CAMK4: variants seen among roughly 807,000 people sequenced by gnomAD.
The protein encoded by CAMK4 is calcium/calmodulin-dependent protein kinase type IV.
A neutral mutation model predicts 44.9 loss-of-function variants in CAMK4; 22 were observed. The observed-to-expected ratio is 0.49, with a 90% CI of 0.35 to 0.70. CAMK4 has a LOEUF of 0.70. CAMK4 is among the 30% of genes least tolerant of loss of function. CAMK4 has a pLI of 0.01. For synonymous variants in CAMK4, 218 were observed against 215.4 expected, an observed-to-expected ratio of 1.01 and a Z score of -0.11; for missense variants, 498 against 586.8, an observed-to-expected ratio of 0.85 and a Z score of 1.56.
intron 5 of CAMK4, among the ~76,000 whole-genome samples, chr5:111,419,448 T>C (rs1476491729): frequency 1.3e-5 from 2 of 152,234 alleles, no homozygotes; most frequent in Non-Finnish European, 2.9e-5. Flanking sequence ...TTTAATTTAA[T>C]TAGATCCCAT....
chr5:111,253,661 T>G (rs958713164), intron 1 of CAMK4, among the ~76,000 whole-genome samples: 11 of 152,222 alleles, frequency 7.2e-5, no homozygotes, highest in Admixed American at 6.5e-4. Flanking sequence ...GCTACAATTT[T>G]ATGATGTTGA....
chr5:111,405,620 A>G (rs1383016058), intron 5 of CAMK4, among the ~76,000 whole-genome samples: 1 of 152,192 alleles, frequency 6.6e-6, no homozygotes, highest in Non-Finnish European at 1.5e-5. Flanking sequence ...TTATTTCTTG[A>G]AAGTAAGGTA....
intron 1 of CAMK4, among the ~76,000 whole-genome samples, chr5:111,343,817 G>A (rs1336649331): frequency 6.6e-6 from 1 of 150,454 alleles, no homozygotes; most frequent in African/African-American, 2.4e-5. Context: ...AGAGCAAGCT[G>A]GAAAACCTAG....
At chr5:111,335,112 C>G (rs1749342680) in intron 1 of CAMK4, among the ~76,000 whole-genome samples, 2 of 151,506 alleles carry the variant, frequency 1.3e-5, no homozygotes. Context: ...GATTCCATAT[C>G]TGAATTTCCC....
intron 7 of CAMK4, among the ~76,000 whole-genome samples, chr5:111,462,985 A>G (rs1304935957): frequency 6.6e-6 from 1 of 152,218 alleles, no homozygotes. Context: ...TGTAATTTTT[A>G]TATTTAGTTA....
chr5:111,444,615 A>G lies in CAMK4; in HGVS notation c.460-2071A>G, dbSNP rs545948372. Among the ~76,000 whole-genome samples, 38 of 151,430 alleles carry G rather than the reference A, an allele frequency of 2.5e-4. No individual in the cohort carries two copies. In the East Asian group the frequency reaches 7.2e-3, roughly 29 times the overall value. On this transcript the variant is annotated intron_variant, in intron 5 of 10. Coordinates refer to ENST00000282356, the MANE Select transcript of CAMK4 (RefSeq NM_001744.6). ...CTGCATTCTCTTGCTGCAACTATCC[A>G]CTCTTCTTTCCATTTTCATGCATGA... is the stretch of plus-strand genomic sequence containing the variant.
At chr5:111,375,932 C>T (rs1033852162) in intron 3 of CAMK4, among the ~76,000 whole-genome samples, 4 of 152,138 alleles carry the variant, frequency 2.6e-5, no homozygotes, top group African/African-American at 9.6e-5. Flanking sequence ...AGAGTAAAAG[C>T]TTTCTCAGAA....
At chr5:111,230,565 GAA>G (rs34590737) in intron 1 of CAMK4, among the ~76,000 whole-genome samples, 14,111 of 141,708 alleles carry the variant, frequency 0.1, 752 homozygotes, top group South Asian at 0.19. Context: ...GATTTTGGGG[GAA>G]AAAAAAAAAA....
chr5:111,256,571 T>C (rs983854222), intron 1 of CAMK4, among the ~76,000 whole-genome samples: 1 of 152,214 alleles, frequency 6.6e-6, no homozygotes, highest in African/African-American at 2.4e-5. Flanking sequence ...AAATATTTTA[T>C]TTGAAATGGG....
At chr5:111,360,332 G>A (rs977907728) in intron 2 of CAMK4, among the ~76,000 whole-genome samples, 1 of 152,046 alleles carries the variant, frequency 6.6e-6, no homozygotes, top group African/African-American at 2.4e-5. Flanking sequence ...AGCATGAAGA[G>A]GCCACATACC....
intron 1 of CAMK4, among the ~76,000 whole-genome samples, chr5:111,267,949 T>A (rs1750337022): frequency 6.6e-6 from 1 of 152,160 alleles, no homozygotes; most frequent in Admixed American, 6.5e-5. Flanking sequence ...CGGTACTGAT[T>A]AGTTGAAGTG....
chr5:111,430,151 G>C (rs879502011), intron 5 of CAMK4, among the ~76,000 whole-genome samples: 3 of 152,150 alleles, frequency 2.0e-5, no homozygotes, highest in Non-Finnish European at 4.4e-5. Context: ...TGGGATACAA[G>C]GATGGTTCAA....
chr5:111,480,249 A>ACACACAC (rs1755386171), intron 9 of CAMK4, among the ~76,000 whole-genome samples: 3 of 121,274 alleles, frequency 2.5e-5, no homozygotes, highest in South Asian at 2.8e-4. Context: ...TAGGCATGTA[A>ACACACAC]ACACACACAC....
At chr5:111,348,024 G>C (rs1456581775) in intron 2 of CAMK4, among the ~76,000 whole-genome samples, 1 of 151,962 alleles carries the variant, frequency 6.6e-6, no homozygotes, top group African/African-American at 2.4e-5. Context: ...TCCTCAGACT[G>C]TCTCAGACTT....
chr5:111,251,577 C>G (rs1009734825), intron 1 of CAMK4, among the ~76,000 whole-genome samples: 6 of 152,204 alleles, frequency 3.9e-5, no homozygotes, highest in African/African-American at 1.4e-4. Flanking sequence ...TAAGTTCTTT[C>G]TCAAATAAAA....
chr5:111,325,544 T>G (rs1010271793), intron 1 of CAMK4, among the ~76,000 whole-genome samples: 1 of 152,038 alleles, frequency 6.6e-6, no homozygotes, highest in African/African-American at 2.4e-5. Flanking sequence ...TAATTGCCAT[T>G]TTTCTGACTT....
Position 111,405,431 on chromosome 5 carries a change from G to A in CAMK4, c.459+10649G>A, listed in dbSNP as rs200092337. Among the ~76,000 whole-genome samples, 257 of 152,094 alleles carry A rather than the reference G, an allele frequency of 1.7e-3. 1 individual carries two copies. The highest frequency in any genetic ancestry group is 2.9e-3 in the Non-Finnish European group (194 of 68,016). ...TGCAGTGAGCTGAGATTGCACCACC[G>A]CACTCCAGTATGGCAACAGAGCAAG... On this transcript the variant is annotated intron_variant, in intron 5 of 10. Coordinates refer to ENST00000282356, the MANE Select transcript of CAMK4 (RefSeq NM_001744.6).
chr5:111,448,167 G>T (rs1221144215), intron 6 of CAMK4, among the ~76,000 whole-genome samples: 3 of 152,168 alleles, frequency 2.0e-5, no homozygotes, highest in African/African-American at 7.2e-5. Flanking sequence ...TCAGCAAATA[G>T]TTCATAATGG....
intron 7 of CAMK4, among the ~76,000 whole-genome samples, chr5:111,455,534 T>C (rs1157205362): frequency 1.3e-5 from 2 of 152,156 alleles, no homozygotes; most frequent in African/African-American, 4.8e-5. Context: ...CTTAAAACTA[T>C]CCTTGAATGA....
Sources: gnomAD v4.1 joint callset for allele counts (sites outside exome capture counted in the v4.1 genomes callset) on GRCh38, gnomAD v4.1.1 for gene constraint, MANE v1.5 for transcripts, NCBI Gene and HGNC (gene_info 2026-07-23, HGNC 2026-07-21) for gene names.